The following IL7 variants were observed in gnomAD, a reference collection of about 807,000 sequenced individuals.
IL7 encodes interleukin 7, also known as interleukin-7.
A neutral mutation model predicts 21.6 loss-of-function variants in IL7; 3 were observed. The ratio of observed to expected loss-of-function variants is 0.14; its 90% CI spans 0.06 to 0.36. IL7 has a LOEUF of 0.36. Among genes scored for constraint, IL7 ranks in the 10% least tolerant of loss-of-function variants. IL7 has a pLI of 1.00. For synonymous variants in IL7, 62 were observed against 68.1 expected (o/e 0.91, Z 0.44); for missense variants, 175 against 200.2 (o/e 0.87, Z 0.76).
intron 2 of IL7, among the ~76,000 whole-genome samples, chr8:78,750,772 C>T (rs1237912214): frequency 6.6e-6 from 1 of 151,978 alleles, no homozygotes; most frequent in Non-Finnish European, 1.5e-5. Context: ...TTCTGTGAGC[C>T]GAGATCGTGC....
intron 2 of IL7, among the ~76,000 whole-genome samples, chr8:78,763,804 A>G (rs1812658951): frequency 6.6e-6 from 1 of 152,188 alleles, no homozygotes; most frequent in Non-Finnish European, 1.5e-5. Flanking sequence ...CAGGAGCAGG[A>G]GGAATACTTC....
At chr8:78,788,086 A>T (rs1312977330) in intron 2 of IL7, among the ~76,000 whole-genome samples, 3 of 152,138 alleles carry the variant, frequency 2.0e-5, no homozygotes, top group African/African-American at 7.2e-5. Flanking sequence ...ATATCCATGG[A>T]ATCAGTAGTG....
intron 3 of IL7, among the ~76,000 whole-genome samples, chr8:78,723,597 A>G (rs1019401153): frequency 6.6e-6 from 1 of 152,088 alleles, no homozygotes; most frequent in Admixed American, 6.6e-5. Context: ...ATATTAATGG[A>G]TAAACAAGTA....
At chr8:78,678,785 A>G in intron 4 of IL7, 2 of 605,342 alleles carry the variant, frequency 3.3e-6, no homozygotes, top group South Asian at 7.5e-5. Flanking sequence ...ATTATCTGCT[A>G]CATTAAGATT....
chr8:78,697,575 G>T (rs1008029315), intron 3 of IL7: 2 of 1,162,352 alleles, frequency 1.7e-6, no homozygotes, highest in African/African-American at 1.6e-5. Context: ...AATAAAGATA[G>T]TGGTCTATTC....
At position 78,792,289 on chromosome 8, in the gene IL7, T is replaced by C. The variant is rs565822501; in HGVS notation, c.147+5783A>G. On this transcript the variant is annotated intron_variant, in intron 2 of 5. Transcript: ENST00000263851. ...ACACCACGTACATAAATTAACTCAA[T>C]ATGAATCAAAGACCAACATGTGAGA... Among the ~76,000 whole-genome samples, 4 of 152,254 alleles carry C rather than the reference T, an allele frequency of 2.6e-5. No homozygotes were observed. The South Asian group carries it at 6.2e-4, about 24-fold the overall frequency.
In IL7 at chr8:78,805,273, T is replaced by C; in HGVS notation, c.-351A>G. 1 of 214,702 alleles carries C rather than the reference T, an allele frequency of 4.7e-6. No individual in the cohort carries two copies. The highest frequency in any genetic ancestry group is 9.2e-6 in the Non-Finnish European group (1 of 108,740). 13.3% of individuals were successfully genotyped at this position (214,702 alleles called of 1,614,324 possible). ...TATCCCCTCTCTCCTGGGCACCTGC[T>C]TCCCGCGCACCTGGATGAGGACCAG... On this transcript the variant is annotated 5_prime_UTR_variant, in exon 1 of 6. Transcript: ENST00000263851.
downstream of IL7, among the ~76,000 whole-genome samples, chr8:78,715,515 G>T (rs1811074061): frequency 6.6e-6 from 1 of 152,128 alleles, no homozygotes; most frequent in Admixed American, 6.5e-5. Context: ...TTCTGTAAAG[G>T]ATTAACCCTT....
chr8:78,761,381 T>C, intron 2 of IL7: 2 of 1,611,898 alleles, frequency 1.2e-6, no homozygotes, highest in Admixed American at 1.7e-5. Flanking sequence ...GGGATATTTC[T>C]CTAAAAGTCT....
At chr8:78,767,463 C>A (rs1812791158) in intron 2 of IL7, among the ~76,000 whole-genome samples, 3 of 151,718 alleles carry the variant, frequency 2.0e-5, no homozygotes, top group South Asian at 4.2e-4. Context: ...GACTATAATT[C>A]TTTTAAGAGT....
At chr8:78,778,985 A>G (rs983713279) in intron 2 of IL7, among the ~76,000 whole-genome samples, 3 of 151,972 alleles carry the variant, frequency 2.0e-5, no homozygotes, top group Admixed American at 2.0e-4. Flanking sequence ...ATTCCTAAGT[A>G]TTTTATCCTC....
chr8:78,761,858 T>C (rs1422168952), intron 2 of IL7: 2 of 1,611,812 alleles, frequency 1.2e-6, no homozygotes, highest in African/African-American at 2.7e-5. Flanking sequence ...TTCTGGGATT[T>C]CATCAGCCTC....
chr8:78,678,803 A>G, intron 4 of IL7: 1 of 559,220 alleles, frequency 1.8e-6, no homozygotes, highest in African/African-American at 2.0e-5. Context: ...ATTAAAGAAT[A>G]AATACAATTC....
chr8:78,698,669 G>A (rs1021188355), intron 3 of IL7, among the ~76,000 whole-genome samples: 2 of 152,104 alleles, frequency 1.3e-5, no homozygotes, highest in African/African-American at 4.8e-5. Flanking sequence ...CTGCTGTTGA[G>A]TATCTAAATT....
At chr8:78,775,541 C>A (rs940429942) in intron 2 of IL7, among the ~76,000 whole-genome samples, 2 of 152,056 alleles carry the variant, frequency 1.3e-5, no homozygotes, top group African/African-American at 4.8e-5. Flanking sequence ...TTATGAAAAT[C>A]AAAATTCTAA....
At chr8:78,717,469 T>C, downstream of IL7, 1 of 1,585,718 alleles carries the variant, frequency 6.3e-7, no homozygotes, top group African/African-American at 1.4e-5. Context: ...GCTGTGAATG[T>C]GGCATTCGAA....
chr8:78,717,631 T>C (rs1035015524), downstream of IL7: 1 of 959,464 alleles, frequency 1.0e-6, no homozygotes, highest in Non-Finnish European at 1.5e-6. Flanking sequence ...AAGTGTAATC[T>C]TTTGGCTATA....
In IL7 at chr8:78,761,069, C is replaced by T. The variant is rs151161227; in HGVS notation, c.148-20987G>A. ...GTTATTCCATCTAATATTTGTGTCA[C>T]TATTTATACCATCTAAACATAAAAC... On this transcript the variant is annotated intron_variant, in intron 2 of 5. Coordinates refer to ENST00000263851, the MANE Select transcript of IL7 (RefSeq NM_000880.4). The T allele has an allele frequency of 8.2e-4, 1,318 of 1,610,528 alleles. 9 individuals carry two copies. The African/African-American group carries it at 0.016, about 19-fold the overall frequency.
chr8:78,796,052 T>A (rs914571467), intron 2 of IL7, among the ~76,000 whole-genome samples: 1 of 152,060 alleles, frequency 6.6e-6, no homozygotes, highest in Admixed American at 6.6e-5. Flanking sequence ...TCAGTTTCAA[T>A]CTGATTGAAA....
Sources: gnomAD v4.1 joint callset for allele counts (sites outside exome capture counted in the v4.1 genomes callset) on GRCh38, gnomAD v4.1.1 for gene constraint, MANE v1.5 for transcripts, NCBI Gene and HGNC (gene_info 2026-07-23, HGNC 2026-07-21) for gene names.